INTS9: variants seen among roughly 807,000 people sequenced by gnomAD.
The protein encoded by INTS9 is protein related to CPSF subunits of 74 kDa.
Under a neutral mutation model 79.7 loss-of-function variants are expected in INTS9, and 55 were observed. That is an observed-to-expected ratio of 0.69 (90% CI 0.56 to 0.86). The LOEUF is 0.86. Among genes scored for constraint, INTS9 ranks in the 40% least tolerant of loss-of-function variants. INTS9 has a pLI of 0.00. For synonymous variants in INTS9, 319 were observed against 325.2 expected (o/e 0.98, Z 0.20); for missense variants, 721 against 831.5 (o/e 0.87, Z 1.64).
intron 2 of INTS9, among the ~76,000 whole-genome samples, chr8:28,856,894 C>T (rs1484982602): frequency 2.0e-5 from 3 of 152,102 alleles, no homozygotes; most frequent in Non-Finnish European, 4.4e-5. Flanking sequence ...CTAGCAGTCC[C>T]CAGTGTCTAC....
intron 6 of INTS9, among the ~76,000 whole-genome samples, chr8:28,828,264 C>A (rs1806266914): frequency 6.6e-6 from 1 of 152,200 alleles, no homozygotes; most frequent in Admixed American, 6.5e-5. Flanking sequence ...CACTTAGCTA[C>A]CTTGCTTTCG....
At chr8:28,803,610 C>T (rs555157023) in intron 8 of INTS9, among the ~76,000 whole-genome samples, 47 of 152,176 alleles carry the variant, frequency 3.1e-4, no homozygotes, top group African/African-American at 8.9e-4. Context: ...TATATCCACG[C>T]GACAGACCAC....
chr8:28,780,667 T>C, intron 12 of INTS9, 156 bp downstream of exon 12: 1 of 985,450 alleles, frequency 1.0e-6, no homozygotes. Flanking sequence ...CTTCACTCTT[T>C]CTCTGCGGTT....
intron 1 of INTS9, among the ~76,000 whole-genome samples, chr8:28,864,065 A>C (rs1421232077): frequency 6.6e-6 from 1 of 152,136 alleles, no homozygotes; most frequent in Non-Finnish European, 1.5e-5. Flanking sequence ...TATTATGGGC[A>C]GGCATGGCGG....
Position 28,770,016 on chromosome 8 carries a change from C to G in INTS9, c.1673G>C (p.Arg558Pro). The change falls in exon 16 of 17, where the codon CGG becomes CCG. Residue 558 changes from arginine (R) to proline (P), a missense_variant. Physicochemically the swap from Arg to Pro is moderately radical, Grantham distance 103. Transcript: ENST00000521022. ...DNKHLLQPPP[R>P]PAQPTSGKKR... ...CTTCCCGCTCGTGGGCTGGGCGGGC[C>G]GAGGAGGGGGCTAGAGCAGAAGGAA... The G allele has an allele frequency of 6.2e-7, 1 of 1,613,880 alleles. No individual in the cohort carries two copies.
chr8:28,846,938 G>A (rs1807553487), intron 3 of INTS9, 129 bp from the exon 4 acceptor site: 1 of 720,682 alleles, frequency 1.4e-6, no homozygotes. Context: ...GAAGCTGGGA[G>A]GTTATTAGGC....
intron 1 of INTS9, among the ~76,000 whole-genome samples, chr8:28,881,827 T>A (rs185999310): frequency 2.4e-4 from 26 of 107,120 alleles, no homozygotes; most frequent in African/African-American, 3.7e-4. Context: ...TCCGGGAGGG[T>A]GGTGGGGGGG....
chr8:28,858,129 A>T (rs1808274313), intron 2 of INTS9, among the ~76,000 whole-genome samples: 1 of 152,200 alleles, frequency 6.6e-6, no homozygotes, highest in Middle Eastern at 3.2e-3. Context: ...CTCATCACCC[A>T]GGAAATTCAT....
chr8:28,782,752 C>T (rs1381528437), intron 11 of INTS9, among the ~76,000 whole-genome samples: 6 of 152,028 alleles, frequency 3.9e-5, no homozygotes, highest in Admixed American at 3.9e-4. Flanking sequence ...CCTGTCTCTA[C>T]AAAAAATAAA....
At chr8:28,824,271 TCTTATGCACAC>T (rs1806021831) in intron 6 of INTS9, among the ~76,000 whole-genome samples, 1 of 152,132 alleles carries the variant, frequency 6.6e-6, no homozygotes, top group Non-Finnish European at 1.5e-5. Context: ...AATCTCAAGA[TCTTATGCACAC>T]CTCCTCTCCT....
chr8:28,848,232 A>T (rs937058889), intron 3 of INTS9, among the ~76,000 whole-genome samples: 2 of 152,228 alleles, frequency 1.3e-5, no homozygotes, highest in Non-Finnish European at 2.9e-5. Context: ...CCAGAAAGGG[A>T]AAGATACTGT....
Position 28,813,479 on chromosome 8 carries a change from T to A in INTS9, c.609+13A>T, listed in dbSNP as rs1805281620. ...GCATTCATGAATAACTGAAATGTAATATGAATACTCACAATTTTCTGAGAA... is the reference window on the plus strand; with the variant it reads ...GCATTCATGAATAACTGAAATGTAAAATGAATACTCACAATTTTCTGAGAA... On this transcript the variant is annotated intron_variant, in intron 7 of 16. Transcript: ENST00000521022. 6.2e-7 allele frequency: 1 copy of A among 1,610,578 alleles called. No individual in the cohort carries two copies. Among genetic ancestry groups the A allele is most frequent in the Non-Finnish European group, 8.5e-7 (1 of 1,177,072 alleles).
chr8:28,850,890 T>A (rs1334367050), intron 2 of INTS9, among the ~76,000 whole-genome samples: 2 of 152,246 alleles, frequency 1.3e-5, no homozygotes, highest in Non-Finnish European at 2.9e-5. Context: ...GAACAGCTTC[T>A]AGCAGATGAG....
At chr8:28,809,530 AC>A (rs1804991863) in intron 8 of INTS9, among the ~76,000 whole-genome samples, 1 of 152,204 alleles carries the variant, frequency 6.6e-6, no homozygotes, top group African/African-American at 2.4e-5. Flanking sequence ...AAAATTAATT[AC>A]TTAGGTATGT....
chr8:28,771,074 C>T lies in INTS9; in HGVS notation c.1570G>A (p.Asp524Asn). The change falls in exon 15 of 17, where the codon GAT (aspartate) becomes AAT (asparagine). Residue 524 changes from aspartate to asparagine, a missense_variant. Around this residue, in one of 3 missense-constraint regions of INTS9, gnomAD observed 281 missense variants for 300.8 expected, o/e 0.93. Transcript: ENST00000521022. ...EKIEIMPELA[D>N]SLVPMEIKPG... Reference sequence around the variant, plus strand: ...TTGATCTCCATGGGCACCAGTGAATCTGCGAGCTGAAAGCAAAGGGCGCAG... The same window carrying T: ...TTGATCTCCATGGGCACCAGTGAATTTGCGAGCTGAAAGCAAAGGGCGCAG... 1 of 1,608,096 alleles carries T rather than the reference C, an allele frequency of 6.2e-7. No homozygotes were observed. Among genetic ancestry groups the T allele is most frequent in the Non-Finnish European group, 8.5e-7 (1 of 1,177,230 alleles).
At chr8:28,788,307 T>C (rs1803729310) in intron 10 of INTS9, among the ~76,000 whole-genome samples, 1 of 152,204 alleles carries the variant, frequency 6.6e-6, no homozygotes, top group Non-Finnish European at 1.5e-5. Flanking sequence ...GTTTTTCCAA[T>C]CATGTCCCTT....
At chr8:28,811,483 G>A (rs1331105708) in intron 8 of INTS9, among the ~76,000 whole-genome samples, 3 of 151,138 alleles carry the variant, frequency 2.0e-5, no homozygotes, top group Non-Finnish European at 4.4e-5. Flanking sequence ...GTACGGTGGC[G>A]CAATCTCGGC....
chr8:28,813,181 A>G (rs1219663541), intron 7 of INTS9, among the ~76,000 whole-genome samples: 1 of 152,154 alleles, frequency 6.6e-6, no homozygotes, highest in Non-Finnish European at 1.5e-5. Flanking sequence ...CTCAAAAGTC[A>G]CACTTGACAA....
intron 6 of INTS9, among the ~76,000 whole-genome samples, chr8:28,825,313 C>T (rs1172513899): frequency 6.6e-6 from 1 of 152,178 alleles, no homozygotes; most frequent in Non-Finnish European, 1.5e-5. Flanking sequence ...TGATGAATAA[C>T]ACTTGCAACC....
Sources: gnomAD v4.1 joint callset for allele counts (sites outside exome capture counted in the v4.1 genomes callset) on GRCh38, gnomAD v4.1.1 for gene constraint, gnomAD v4.1.1 regional missense constraint, MANE v1.5 for transcripts, NCBI Gene and HGNC (gene_info 2026-07-23, HGNC 2026-07-21) for gene names.